MXRA7: variants seen among roughly 807,000 people sequenced by gnomAD.
MXRA7 encodes the protein matrix-remodeling-associated protein 7.
MXRA7 carries 18 observed loss-of-function variants against 17.4 expected under a neutral mutation model. The observed-to-expected ratio is 1.03, with a 90% CI of 0.71 to 1.53. The LOEUF (loss-of-function observed/expected upper bound fraction) is 1.53, where lower values mean the gene tolerates loss of function less well. Among genes scored for constraint, MXRA7 ranks in the 40% most tolerant of loss-of-function variants. The probability of loss-of-function intolerance (pLI) is 0.00; values close to 1 mark genes in which losing one functional copy is unlikely to be tolerated. For synonymous variants in MXRA7, 70 were observed against 101.7 expected (o/e 0.69, Z 1.87); for missense variants, 141 against 209.3 (o/e 0.67, Z 2.01).
At chr17:76,703,259 C>A (rs190823812) in intron 1 of MXRA7, among the ~76,000 whole-genome samples, 1 of 152,136 alleles carries the variant, frequency 6.6e-6, no homozygotes, top group African/African-American at 2.4e-5. Context: ...GGTTGGTCAG[C>A]GGGTTATAAA....
chr17:76,701,485 G>A (rs1197845577), intron 1 of MXRA7, among the ~76,000 whole-genome samples: 1 of 152,064 alleles, frequency 6.6e-6, no homozygotes, highest in East Asian at 1.9e-4. Flanking sequence ...GGGGAGGCGA[G>A]AGCTGGGCGT....
Position 76,680,504 on chromosome 17 carries a change from A to G in MXRA7, c.*363T>C. 9.8e-7 allele frequency: 1 copy of G among 1,020,510 alleles called. No individual in the cohort carries two copies. Among genetic ancestry groups the G allele is most frequent in the Non-Finnish European group, 1.2e-6 (1 of 852,870 alleles). The allele number at this position is 1,020,510 out of a possible 1,614,324, so 63.2% of individuals were successfully genotyped here. A position where few individuals can be genotyped will look rare whatever the true frequency, so the allele number is the denominator to read the frequency against. ...AAGAGGGGAGACTGGAGTGAAAGTG[A>G]ACTCTGCTTTTAAAATGTTCTTTTT... On this transcript the variant is annotated 3_prime_UTR_variant, in exon 4 of 4. Transcript: ENST00000449428.
intron 1 of MXRA7, chr17:76,688,521 A>G: frequency 7.7e-7 from 1 of 1,296,382 alleles, no homozygotes; most frequent in Non-Finnish European, 9.8e-7. Flanking sequence ...GCCAGCAGAC[A>G]AAGGGTGCAA....
At chr17:76,706,553 C>T (rs971191774) in intron 1 of MXRA7, among the ~76,000 whole-genome samples, 2 of 152,250 alleles carry the variant, frequency 1.3e-5, no homozygotes, top group Non-Finnish European at 2.9e-5. Flanking sequence ...GCTCCTGGGT[C>T]ATTCTGGGAA....
At chr17:76,697,934 G>T (rs1433718002) in intron 1 of MXRA7, among the ~76,000 whole-genome samples, 4 of 151,942 alleles carry the variant, frequency 2.6e-5, no homozygotes, top group African/African-American at 7.3e-5. Context: ...GATAAGGCGG[G>T]GGGAGGGGAG....
chr17:76,692,115 C>T (rs2076483840), intron 1 of MXRA7, among the ~76,000 whole-genome samples: 2 of 151,490 alleles, frequency 1.3e-5, no homozygotes, highest in Non-Finnish European at 2.9e-5. Flanking sequence ...ATTGGGAGGC[C>T]GAGGCAGGTG....
At chr17:76,696,409 T>C (rs1174620809) in intron 1 of MXRA7, among the ~76,000 whole-genome samples, 1 of 152,018 alleles carries the variant, frequency 6.6e-6, no homozygotes, top group Non-Finnish European at 1.5e-5. Flanking sequence ...TAGCCCCAGA[T>C]ACTTCGGAGG....
intron 3 of MXRA7, among the ~76,000 whole-genome samples, chr17:76,682,007 A>G (rs1036337207): frequency 2.0e-5 from 3 of 152,226 alleles, no homozygotes; most frequent in East Asian, 1.9e-4. Context: ...AGACAGTGGC[A>G]AGCAGGATCT....
rs200298746 is a variant in MXRA7, at chr17:76,685,150, A to G, written c.422T>C (p.Phe141Ser). 249 of 1,613,718 alleles carry G rather than the reference A, an allele frequency of 1.5e-4. 1 individual carries two copies. Among genetic ancestry groups the G allele is most frequent in the Non-Finnish European group, 1.8e-4 (208 of 1,179,884 alleles). ...PEEEDGEGFS[F>S]KYSPGKLRGN... ...CCTCAGCTTCCCGGGGCTGTATTTG[A>G]AGGAGAAGCCTTCTCCTGTGGAGGG... is the stretch of plus-strand genomic sequence containing the variant. Residue 141 changes from phenylalanine to serine, a missense_variant, in exon 3 of 4, where the codon TTC (phenylalanine) becomes TCC (serine). By Grantham distance (155) the Phe-to-Ser change is radical. This residue lies in a region of MXRA7 where 67 missense variants were observed against 80.3 expected (regional missense o/e 0.83). Coordinates refer to ENST00000449428, the MANE Select transcript of MXRA7 (RefSeq NM_198530.4).
At chr17:76,686,411 C>G (rs1256048234) in intron 2 of MXRA7, among the ~76,000 whole-genome samples, 3 of 152,094 alleles carry the variant, frequency 2.0e-5, no homozygotes, top group Non-Finnish European at 2.9e-5. Flanking sequence ...ACCCGGGAGG[C>G]AGAGGTTGCA....
Position 76,688,748 on chromosome 17 carries a change from AG to A in MXRA7, c.343-573del, listed in dbSNP as rs545438865. On this transcript the variant is annotated intron_variant, in intron 1 of 3. Transcript: ENST00000449428. ...AATGGCCCGGGATGGCCTTGGTGGAAGGAAGAAGTGACTTCAGCTTGCAGGA... is the reference window on the plus strand; with the variant it reads ...AATGGCCCGGGATGGCCTTGGTGGAAGAAGAAGTGACTTCAGCTTGCAGGA... 1.1e-3 allele frequency: 1,248 copies of A among 1,121,766 alleles called. 13 individuals are homozygous for A. The African/African-American group carries it at 0.018, about 16-fold the overall frequency. The allele number at this position is 1,121,766 out of a possible 1,614,324, so 69.5% of individuals were successfully genotyped here. A position where few individuals can be genotyped will look rare whatever the true frequency, so the allele number is the denominator to read the frequency against.
At chr17:76,693,556 A>C (rs1464581251) in intron 1 of MXRA7, among the ~76,000 whole-genome samples, 1 of 151,440 alleles carries the variant, frequency 6.6e-6, no homozygotes, top group Admixed American at 6.6e-5. Context: ...GGTTTATAAA[A>C]CTTCTGGGGC....
chr17:76,685,240 AG>A, intron 2 of MXRA7, 75 bp from the exon 3 acceptor site: 1 of 1,099,912 alleles, frequency 9.1e-7, no homozygotes, highest in Non-Finnish European at 1.4e-6. Context: ...CCCTTTCCCT[AG>A]GTTTAAAAAG....
At chr17:76,706,248 T>TCTGCCGTCACAGAGGCCCACG (rs2076655828) in intron 1 of MXRA7, among the ~76,000 whole-genome samples, 1 of 62,016 alleles carries the variant, frequency 1.6e-5, no homozygotes, top group African/African-American at 6.2e-5. Flanking sequence ...AGAGGCCCAC[T>TCTGCCGTCACAGAGGCCCACG]CTGCCATCAC....
chr17:76,701,656 G>A (rs535879892), intron 1 of MXRA7, among the ~76,000 whole-genome samples: 1 of 152,086 alleles, frequency 6.6e-6, no homozygotes, highest in South Asian at 2.1e-4. Flanking sequence ...TGGGTAAGCC[G>A]CAGACAAGGA....
chr17:76,700,950 G>A (rs2076584281), intron 1 of MXRA7, among the ~76,000 whole-genome samples: 2 of 152,100 alleles, frequency 1.3e-5, no homozygotes, highest in African/African-American at 4.8e-5. Context: ...TGATGTGGGC[G>A]CAGGGCTGGC....
chr17:76,688,739 C>T (rs1180420342), intron 1 of MXRA7: 13 of 1,178,532 alleles, frequency 1.1e-5, no homozygotes, highest in Non-Finnish European at 1.4e-5. Context: ...CCGGGATGGC[C>T]TTGGTGGAAG....
rs972834728 is a variant in MXRA7, at chr17:76,692,704, G to A, written c.343-4528C>T. 5.3e-5 allele frequency among the ~76,000 whole-genome samples: 8 copies of A among 151,168 alleles called. No individual in the cohort carries two copies. The South Asian group carries it at 6.3e-4, about 12-fold the overall frequency. ...AGGCTTTAATAACTTCAGAAGTATA[G>A]ATACTACAAATGTACCAAAAAATGA... is the stretch of plus-strand genomic sequence containing the variant. On this transcript the variant is annotated intron_variant, in intron 1 of 3. Coordinates refer to ENST00000449428, the MANE Select transcript of MXRA7 (RefSeq NM_198530.4).
intron 1 of MXRA7, among the ~76,000 whole-genome samples, chr17:76,705,713 AAG>A (rs2076647936): frequency 6.6e-6 from 1 of 152,194 alleles, no homozygotes; most frequent in Non-Finnish European, 1.5e-5. Flanking sequence ...GTACAGCAAG[AAG>A]GTGGCTGTCT....
Sources: allele counts gnomAD v4.1 joint callset (sites outside exome capture counted in the v4.1 genomes callset), GRCh38; gene constraint gnomAD v4.1.1; regional missense constraint gnomAD v4.1.1; transcripts MANE v1.5; gene names NCBI Gene and HGNC (gene_info 2026-07-23, HGNC 2026-07-21).